MCTP1: variants seen among roughly 807,000 people sequenced by gnomAD.
MCTP1 encodes the protein multiple C2 and transmembrane domain-containing protein 1.
A neutral mutation model predicts 120.6 loss-of-function variants in MCTP1; 69 were observed. The ratio of observed to expected loss-of-function variants is 0.57; its 90% CI spans 0.47 to 0.70. The LOEUF is 0.70. Ranked by LOEUF, MCTP1 falls within the 30% of genes least tolerant of loss-of-function variation. The probability of loss-of-function intolerance (pLI) is 0.00; values close to 1 mark genes in which losing one functional copy is unlikely to be tolerated. For missense variants in MCTP1, 1,203 were observed against 1,248.8 expected (o/e 0.96, Z 0.55); for synonymous variants, 529 against 493.1 (o/e 1.07, Z -0.96).
chr5:95,257,484 GTT>G (rs992877815), intron 1 of MCTP1, among the ~76,000 whole-genome samples: 1 of 151,754 alleles, frequency 6.6e-6, no homozygotes, highest in African/African-American at 2.4e-5. Context: ...TGCCTACATT[GTT>G]TTTTTAATCT....
chr5:94,886,760 G>A (rs1024543859), intron 12 of MCTP1, among the ~76,000 whole-genome samples: 13 of 152,064 alleles, frequency 8.5e-5, no homozygotes, highest in Non-Finnish European at 1.3e-4. Flanking sequence ...CCACTGAGAC[G>A]CACATCATAT....
intron 19 of MCTP1, among the ~76,000 whole-genome samples, chr5:94,720,647 G>T (rs1035775744): frequency 6.6e-6 from 1 of 152,154 alleles, no homozygotes; most frequent in African/African-American, 2.4e-5. Context: ...AGTAATGGAA[G>T]TTTATCTTCT....
intron 7 of MCTP1, among the ~76,000 whole-genome samples, chr5:94,923,612 T>C (rs72775393): frequency 0.044 from 6,701 of 152,266 alleles, 195 homozygotes; most frequent in Middle Eastern, 0.092. Context: ...CAGAAAATTC[T>C]AATCTCATTT....
intron 17 of MCTP1, among the ~76,000 whole-genome samples, chr5:94,804,015 C>T (rs1325699108): frequency 6.6e-6 from 1 of 152,176 alleles, no homozygotes; most frequent in Non-Finnish European, 1.5e-5. Context: ...CAAAGCAAAG[C>T]CACCTGACAG....
intron 1 of MCTP1, among the ~76,000 whole-genome samples, chr5:95,126,091 A>G (rs1453550436): frequency 6.6e-6 from 1 of 152,342 alleles, no homozygotes; most frequent in East Asian, 1.9e-4. Flanking sequence ...TTAAATTTAT[A>G]CTATGTGCTA....
intron 2 of MCTP1, among the ~76,000 whole-genome samples, chr5:95,011,091 G>A (rs1676900225): frequency 6.6e-6 from 1 of 152,108 alleles, no homozygotes; most frequent in Admixed American, 6.6e-5. Context: ...CCTGGTTAAG[G>A]TGGTGTCCTC....
At chr5:94,946,933 T>C (rs1391115929) in intron 3 of MCTP1, among the ~76,000 whole-genome samples, 1 of 152,214 alleles carries the variant, frequency 6.6e-6, no homozygotes, top group African/African-American at 2.4e-5. Context: ...GCCTCTATTA[T>C]GTAGTTGTCT....
At chr5:94,851,066 T>C (rs979067677) in intron 17 of MCTP1, among the ~76,000 whole-genome samples, 1 of 152,122 alleles carries the variant, frequency 6.6e-6, no homozygotes, top group African/African-American at 2.4e-5. Flanking sequence ...CTAGTCCATC[T>C]TACAATAAAG....
intron 1 of MCTP1, among the ~76,000 whole-genome samples, chr5:95,083,191 A>C (rs1262448139): frequency 6.6e-6 from 1 of 152,200 alleles, no homozygotes; most frequent in East Asian, 1.9e-4. Context: ...CAAATAATAT[A>C]AAATTAAGAA....
At chr5:94,994,990 A>G (rs1341510351) in intron 2 of MCTP1, among the ~76,000 whole-genome samples, 1 of 152,174 alleles carries the variant, frequency 6.6e-6, no homozygotes, top group African/African-American at 2.4e-5. Context: ...AGACTGCACT[A>G]TCGGCTTCCT....
At chr5:95,242,278 T>C (rs1364610258) in intron 1 of MCTP1, among the ~76,000 whole-genome samples, 2 of 152,144 alleles carry the variant, frequency 1.3e-5, no homozygotes, top group African/African-American at 2.4e-5. Flanking sequence ...GAAATAAAAA[T>C]ACAAAGTGGA....
intron 2 of MCTP1, among the ~76,000 whole-genome samples, chr5:94,986,635 G>A (rs1266483863): frequency 1.3e-5 from 2 of 151,992 alleles, no homozygotes; most frequent in Admixed American, 6.6e-5. Context: ...TCAGCCACCC[G>A]AGTAGCTGGG....
intron 1 of MCTP1, among the ~76,000 whole-genome samples, chr5:95,021,820 CA>C (rs1284870840): frequency 2.0e-5 from 3 of 152,012 alleles, no homozygotes; most frequent in Non-Finnish European, 4.4e-5. Context: ...ATGGTGAAAA[CA>C]GTGAACATTT....
intron 12 of MCTP1, among the ~76,000 whole-genome samples, chr5:94,881,802 T>C (rs536065141): frequency 4.1e-4 from 63 of 152,318 alleles, no homozygotes; most frequent in Admixed American, 1.3e-3. Flanking sequence ...GTCATTATTA[T>C]TGTTATTATT....
intron 1 of MCTP1, among the ~76,000 whole-genome samples, chr5:95,268,644 A>G (rs894962621): frequency 6.6e-6 from 1 of 152,246 alleles, no homozygotes; most frequent in Admixed American, 6.5e-5. Flanking sequence ...TAGCTTACTC[A>G]TGTGGTCCTA....
intron 1 of MCTP1, among the ~76,000 whole-genome samples, chr5:95,235,532 C>T (rs986674317): frequency 2.6e-5 from 4 of 151,782 alleles, no homozygotes; most frequent in Non-Finnish European, 5.9e-5. Flanking sequence ...TTCTTTCTTT[C>T]TTTCCTTACT....
rs372076759 is a variant in MCTP1 at position 95,269,976 on chromosome 5, A to G, written c.720+13880T>C. On this transcript the variant is annotated intron_variant, in intron 1 of 22. Coordinates refer to ENST00000515393, the MANE Select transcript of MCTP1 (RefSeq NM_024717.7). ...TATTTCGTTTATTTCCCCTAAAACT[A>G]TGCCTTTCAGGGGACAAGAAAGCAG... Among the ~76,000 whole-genome samples the G allele has an allele frequency of 3.3e-5, 5 of 152,346 alleles. No individual in the cohort carries two copies. In the East Asian group the frequency reaches 7.7e-4, roughly 23 times the overall value.
chr5:94,780,840 A>C (rs1041569095), intron 18 of MCTP1, among the ~76,000 whole-genome samples: 60 of 152,300 alleles, frequency 3.9e-4, no homozygotes, highest in African/African-American at 1.3e-3. Context: ...CTTATAATCC[A>C]GTAAAATTTA....
At chr5:94,905,744 A>G (rs1806704633) in intron 10 of MCTP1, among the ~76,000 whole-genome samples, 1 of 152,198 alleles carries the variant, frequency 6.6e-6, no homozygotes, top group Non-Finnish European at 1.5e-5. Flanking sequence ...AATCTATTAG[A>G]CTTTCAAATA....
Sources: allele counts gnomAD v4.1 joint callset (sites outside exome capture counted in the v4.1 genomes callset), GRCh38; gene constraint gnomAD v4.1.1; transcripts MANE v1.5; gene names NCBI Gene and HGNC (gene_info 2026-07-23, HGNC 2026-07-21).